SLC9C2: variants seen among roughly 807,000 people sequenced by gnomAD.
SLC9C2 encodes solute carrier family 9 member C2 (putative).
SLC9C2 carries 75 observed loss-of-function variants against 140.2 expected under a neutral mutation model. That is an observed-to-expected ratio of 0.53 (90% CI 0.44 to 0.65). The LOEUF is 0.65. Among genes scored for constraint, SLC9C2 ranks in the 30% least tolerant of loss-of-function variants. The pLI is 0.00. For missense variants in SLC9C2, 1,074 were observed against 1,331.8 expected (o/e 0.81, Z 3.01); for synonymous variants, 375 against 420.9 (o/e 0.89, Z 1.34).
intron 24 of SLC9C2, among the ~76,000 whole-genome samples, chr1:173,508,980 C>A (rs1659845133): frequency 7.0e-6 from 1 of 143,448 alleles, no homozygotes; most frequent in African/African-American, 3.0e-5. Flanking sequence ...TAACACTATG[C>A]TTGGTTCAGG....
intron 8 of SLC9C2, 53 bp downstream of exon 8, chr1:173,576,608 C>G (rs1665194899): frequency 8.8e-7 from 1 of 1,137,864 alleles, no homozygotes; most frequent in Non-Finnish European, 1.3e-6. Context: ...GGCGAGACGC[C>G]TTATGCACTA....
At chr1:173,585,921 T>C (rs2102232202) in intron 5 of SLC9C2, among the ~76,000 whole-genome samples, 1 of 151,974 alleles carries the variant, frequency 6.6e-6, no homozygotes, top group East Asian at 1.9e-4. Flanking sequence ...TGAGCCAAGA[T>C]CATGCCATTG....
At chr1:173,530,364 C>T (rs1334235813) in intron 17 of SLC9C2, among the ~76,000 whole-genome samples, 1 of 152,184 alleles carries the variant, frequency 6.6e-6, no homozygotes, top group Non-Finnish European at 1.5e-5. Context: ...TCTAGCACTG[C>T]CTTTTCCCTC....
chr1:173,518,769 A>G (rs1482385368), intron 22 of SLC9C2, among the ~76,000 whole-genome samples: 2 of 152,202 alleles, frequency 1.3e-5, no homozygotes, highest in African/African-American at 4.8e-5. Flanking sequence ...TCATGCTTCC[A>G]GAAGAGTTTG....
chr1:173,597,982 A>AT lies in SLC9C2; in HGVS notation c.278dup (p.Tyr93Ter), dbSNP rs1558102381. The change falls in exon 4 of 28, where the codon TAT becomes TAAT. Residue 93 changes from tyrosine (Y) to a stop codon, truncating the protein, a stop_gained and frameshift_variant. Coordinates refer to ENST00000367714, the MANE Select transcript of SLC9C2 (RefSeq NM_178527.4). LOFTEE classifies it high-confidence loss of function. The part of the protein sequence containing the change: ...PLLRTSSFSL[Y>*]SYFSPLIIFM... ...ATATAATTAAAGGTGAAAAGTAAGA[A>AT]TAAAGTGAAAAACTTGATGTTCTTA... The AT allele has an allele frequency of 3.8e-6, 6 of 1,598,826 alleles. No homozygotes were observed. The Admixed American group carries it at 1.0e-4, about 28-fold the overall frequency.
At chr1:173,513,406 C>G (rs546448387) in intron 23 of SLC9C2, among the ~76,000 whole-genome samples, 1 of 152,228 alleles carries the variant, frequency 6.6e-6, no homozygotes, top group African/African-American at 2.4e-5. Flanking sequence ...GTGTATGTGT[C>G]CAAGAATTTA....
At position 173,583,538 on chromosome 1, in the gene SLC9C2, C is replaced by G; in HGVS notation, c.608G>C (p.Arg203Pro). The change falls in exon 6 of 28, where the codon CGG becomes CCG. Residue 203 changes from arginine to proline, a missense_variant. Arg to Pro is a moderately radical substitution (Grantham distance 103). Coordinates refer to ENST00000367714, the MANE Select transcript of SLC9C2 (RefSeq NM_178527.4). ...AATAGAAAAGTGGATTCTGTTGCCC[C>G]GAAAATTTCCAAAAAAAATTGATGC... ...SIASIFFGNFRGNRIHFSIFR... is the reference protein window; with the variant it reads ...SIASIFFGNFPGNRIHFSIFR... The G allele has an allele frequency of 6.2e-7, 1 of 1,609,242 alleles. No homozygotes were observed. Among genetic ancestry groups the G allele is most frequent in the Non-Finnish European group, 8.5e-7 (1 of 1,177,554 alleles).
intron 11 of SLC9C2, among the ~76,000 whole-genome samples, chr1:173,552,322 T>C (rs1376832084): frequency 6.6e-6 from 1 of 152,226 alleles, no homozygotes; most frequent in African/African-American, 2.4e-5. Context: ...GCTGAGATCA[T>C]TGATGAAGGT....
rs558262660 is a variant in SLC9C2 at position 173,554,749 on chromosome 1, C to A, written c.1281G>T (p.Gln427His). 6.2e-7 allele frequency: 1 copy of A among 1,606,460 alleles called. No individual in the cohort carries two copies. Among genetic ancestry groups the A allele is most frequent in the Non-Finnish European group, 8.5e-7 (1 of 1,173,156 alleles). The change falls in exon 11 of 28, where the codon CAG (glutamine) becomes CAT (histidine). Residue 427 changes from glutamine (Q) to histidine (H), a missense_variant. Transcript: ENST00000367714. ...ATACTTTACCTAACTTCCTGGCTGA[C>A]TGAGTCATCACGTATGAATTTATTC... ...TMGINSYVMT[Q>H]SARKLDLCVL...
At chr1:173,534,765 T>C (rs1349953223) in intron 15 of SLC9C2, 83 bp from the exon 16 acceptor site, 15 of 1,129,390 alleles carry the variant, frequency 1.3e-5, no homozygotes, top group South Asian at 1.9e-5. Context: ...AACAAATCAT[T>C]AAAATTAATT....
intron 11 of SLC9C2, among the ~76,000 whole-genome samples, chr1:173,552,922 G>A (rs1351147056): frequency 6.6e-6 from 1 of 152,054 alleles, no homozygotes; most frequent in Non-Finnish European, 1.5e-5. Context: ...ATGGATGTAG[G>A]GAAAATCAAT....
intron 22 of SLC9C2, among the ~76,000 whole-genome samples, chr1:173,518,566 G>C (rs1255044125): frequency 6.6e-6 from 1 of 152,136 alleles, no homozygotes; most frequent in Admixed American, 6.6e-5. Flanking sequence ...TAACTGGTAG[G>C]CATAGCTGGA....
At chr1:173,505,170 CTTAGAG>C in intron 26 of SLC9C2, 71 bp downstream of exon 26, 1 of 1,236,218 alleles carries the variant, frequency 8.1e-7, no homozygotes, top group Non-Finnish European at 1.2e-6. Flanking sequence ...AAATCACTTT[CTTAGAG>C]TTAAAGGAAT....
At chr1:173,569,187 T>C (rs1294661852) in intron 9 of SLC9C2, among the ~76,000 whole-genome samples, 1 of 152,078 alleles carries the variant, frequency 6.6e-6, no homozygotes, top group Admixed American at 6.5e-5. Context: ...CTTTTGCCTT[T>C]TGTCTCCTCT....
intron 9 of SLC9C2, among the ~76,000 whole-genome samples, chr1:173,562,916 T>G (rs1489529240): frequency 2.6e-5 from 4 of 152,074 alleles, no homozygotes; most frequent in African/African-American, 9.7e-5. Flanking sequence ...AATCATTAAC[T>G]ATACAAGTAA....
At chr1:173,599,138 A>G (rs181170683) in intron 3 of SLC9C2, among the ~76,000 whole-genome samples, 13 of 148,434 alleles carry the variant, frequency 8.8e-5, no homozygotes, top group Middle Eastern at 3.4e-3. Flanking sequence ...TTTTTTTTTG[A>G]GACGGAGTCT....
rs576111835 is a variant in SLC9C2, at chr1:173,553,807, G to A, written c.1297+926C>T. On this transcript the variant is annotated intron_variant, in intron 11 of 27. Transcript: ENST00000367714. ...GGAATTGAACCTGCAATATCTCCAA[G>A]TTATGCCTGATATGTAAATCTCTAG... Among the ~76,000 whole-genome samples, 4 of 152,272 alleles carry A rather than the reference G, an allele frequency of 2.6e-5. No individual in the cohort carries two copies. In the South Asian group the frequency reaches 8.3e-4, roughly 32 times the overall value.
At chr1:173,596,793 A>G (rs562712048) in intron 4 of SLC9C2, 10 of 152,280 alleles carry the variant, frequency 6.6e-5, no homozygotes, top group African/African-American at 2.2e-4. Flanking sequence ...TGATGTAACT[A>G]TAGTCAATTT....
chr1:173,547,597 G>A, intron 13 of SLC9C2, 92 bp downstream of exon 13: 1 of 894,582 alleles, frequency 1.1e-6, no homozygotes, highest in Non-Finnish European at 1.7e-6. Flanking sequence ...ACTATGAGAA[G>A]GTAAAGTTTT....
Sources: gnomAD v4.1 joint callset for allele counts (sites outside exome capture counted in the v4.1 genomes callset) on GRCh38, gnomAD v4.1.1 for gene constraint, MANE v1.5 for transcripts, NCBI Gene and HGNC (gene_info 2026-07-23, HGNC 2026-07-21) for gene names.